The following PRELID2 variants were observed in gnomAD, a reference collection of about 807,000 sequenced individuals.
PRELID2 encodes the protein PRELI domain containing 2.
Under a neutral mutation model 28.4 loss-of-function variants are expected in PRELID2, and 25 were observed. That is an observed-to-expected ratio of 0.88 (90% confidence interval 0.64 to 1.23). The LOEUF (loss-of-function observed/expected upper bound fraction) is 1.23. PRELID2 is among the 50% of genes most tolerant of loss of function. The pLI, the probability that PRELID2 is intolerant of heterozygous loss-of-function variation, is 0.00. For synonymous variants in PRELID2, 76 were observed against 71.6 expected (o/e 1.06, Z -0.31); for missense variants, 201 against 214.4 (o/e 0.94, Z 0.39).
chr5:145,784,185 G>A (rs1372061745), intron 5 of PRELID2, among the ~76,000 whole-genome samples: 1 of 150,600 alleles, frequency 6.6e-6, no homozygotes, highest in East Asian at 2.0e-4. Context: ...TTGGGAGGTT[G>A]AGGCACAAGA....
chr5:145,796,458 CG>C lies in PRELID2; in HGVS notation c.457del (p.Arg153AspfsTer15). 6.2e-7 allele frequency: 1 copy of C among 1,608,702 alleles called. No homozygotes were observed. Among genetic ancestry groups the C allele is most frequent in the African/African-American group, 1.3e-5 (1 of 74,814 alleles). On this transcript the variant is annotated frameshift_variant, in exon 5 of 7. Coordinates refer to ENST00000683046, the MANE Select transcript of PRELID2 (RefSeq NM_205846.3). LOFTEE classifies it high-confidence loss of function. ...VLETFASTFL[R>X]QGAQKGIRIM... ...TATGGTTACCTTCTGGGCTCCCTGT[CG>C]TAAGAATGTGCTGGCAAAAGTTTCT...
the PRELID2 span, among the ~76,000 whole-genome samples, chr5:145,330,616 C>A: frequency 1.3e-5 from 2 of 152,008 alleles, no homozygotes; most frequent in African/African-American, 4.8e-5. Flanking sequence ...AATCAGTGGT[C>A]TTATCCCCTT....
chr5:145,397,461 G>A, the PRELID2 span, among the ~76,000 whole-genome samples: 1 of 151,966 alleles, frequency 6.6e-6, no homozygotes, highest in Non-Finnish European at 1.5e-5. Context: ...TAGGTAGGGG[G>A]AAATAAAAAA....
chr5:145,411,674 G>T, the PRELID2 span, among the ~76,000 whole-genome samples: 3 of 152,220 alleles, frequency 2.0e-5, no homozygotes, highest in South Asian at 6.2e-4. Flanking sequence ...TCCTTCTCAC[G>T]CTCTACTAGG....
At chr5:145,702,960 T>C (rs1755444252) in intron 1 of PRELID2, among the ~76,000 whole-genome samples, 1 of 152,206 alleles carries the variant, frequency 6.6e-6, no homozygotes, top group South Asian at 2.1e-4. Context: ...TCCCTTTCTA[T>C]TAAAACACAG....
intron 1 of PRELID2, among the ~76,000 whole-genome samples, chr5:145,561,452 G>A (rs544545266): frequency 8.4e-4 from 128 of 152,170 alleles, no homozygotes; most frequent in African/African-American, 2.9e-3. Flanking sequence ...ATACACCAGT[G>A]AAAATGGAAG....
At chr5:145,343,244 A>C in the PRELID2 span, among the ~76,000 whole-genome samples, 1 of 151,980 alleles carries the variant, frequency 6.6e-6, no homozygotes, top group African/African-American at 2.4e-5. Flanking sequence ...CACATCGAAC[A>C]TTCTCTTAGA....
chr5:145,797,173 G>A (rs1450083733), intron 4 of PRELID2, among the ~76,000 whole-genome samples: 1 of 152,078 alleles, frequency 6.6e-6, no homozygotes, highest in East Asian at 1.9e-4. Context: ...TTACACTTAA[G>A]AGTGATAGAA....
chr5:145,530,571 T>A (rs559973114), intron 1 of PRELID2, among the ~76,000 whole-genome samples: 41 of 151,812 alleles, frequency 2.7e-4, no homozygotes, highest in African/African-American at 9.9e-4. Context: ...GTGGCTGAGA[T>A]GGAGAAGAAA....
Position 145,679,662 on chromosome 5 carries a change from G to A in PRELID2, n.70+85269C>T, listed in dbSNP as rs926847616. Reference sequence around the variant, plus strand: ...ATTAATTATCCTGCCAAATTGTGAAGCTAATGGTGATGAAGTTGATGAAAG... The same window carrying A: ...ATTAATTATCCTGCCAAATTGTGAAACTAATGGTGATGAAGTTGATGAAAG... On this transcript the variant is annotated intron_variant and non_coding_transcript_variant, in intron 1 of 2. Coordinates refer to the PRELID2 transcript ENST00000510259. 2.6e-5 allele frequency among the ~76,000 whole-genome samples: 4 copies of A among 152,006 alleles called. No individual in the cohort carries two copies. The East Asian group carries it at 7.7e-4, about 29-fold the overall frequency.
At chr5:145,340,770 C>CATATATATATAT in the PRELID2 span, among the ~76,000 whole-genome samples, 1,668 of 116,394 alleles carry the variant, frequency 0.014, 30 homozygotes, top group East Asian at 0.031. Flanking sequence ...TAAAAATATA[C>CATATATATATAT]ATATATATAT....
At chr5:145,702,356 T>C (rs897321597) in intron 1 of PRELID2, among the ~76,000 whole-genome samples, 3 of 152,108 alleles carry the variant, frequency 2.0e-5, no homozygotes, top group African/African-American at 7.2e-5. Flanking sequence ...CACAGAGAAA[T>C]AGGACATCAA....
rs1308797006 is a variant in PRELID2, at chr5:145,757,439, G to A, written c.*3097C>T. Among the ~76,000 whole-genome samples, 1 of 152,160 alleles carries A rather than the reference G, an allele frequency of 6.6e-6. No individual in the cohort carries two copies. The highest frequency in any genetic ancestry group is 1.5e-5 in the Non-Finnish European group (1 of 68,036). On this transcript the variant is annotated 3_prime_UTR_variant, in exon 7 of 7. Coordinates refer to ENST00000683046, the MANE Select transcript of PRELID2 (RefSeq NM_205846.3). ...TAGCACGTTGCCCCAAAGATTTCTG[G>A]TACATGTGAAGTCTGAGAATCACAG...
chr5:145,328,390 C>T, the PRELID2 span, among the ~76,000 whole-genome samples: 4 of 152,170 alleles, frequency 2.6e-5, no homozygotes, highest in African/African-American at 4.8e-5. Context: ...AACTAATTTA[C>T]ACTCCCACCA....
the PRELID2 span, among the ~76,000 whole-genome samples, chr5:145,351,691 G>T: frequency 2.0e-5 from 3 of 152,112 alleles, no homozygotes; most frequent in Admixed American, 2.0e-4. Context: ...TAGCCCAAAA[G>T]TCCAAGTCCC....
At chr5:145,436,764 G>A in the PRELID2 span, among the ~76,000 whole-genome samples, 1 of 152,064 alleles carries the variant, frequency 6.6e-6, no homozygotes, top group Non-Finnish European at 1.5e-5. Flanking sequence ...CTCACAGAAA[G>A]CACTCACTGA....
chr5:145,528,737 A>G (rs1202124380), intron 1 of PRELID2, among the ~76,000 whole-genome samples: 1 of 147,426 alleles, frequency 6.8e-6, no homozygotes, highest in Non-Finnish European at 1.5e-5. Flanking sequence ...AGAGAGAGAG[A>G]GAGAGAGAGA....
At chr5:145,287,600 A>G in the PRELID2 span, among the ~76,000 whole-genome samples, 1 of 152,206 alleles carries the variant, frequency 6.6e-6, no homozygotes, top group Non-Finnish European at 1.5e-5. Flanking sequence ...AATATCATGG[A>G]TAAGGGGGAA....
chr5:145,366,430 G>A, the PRELID2 span, among the ~76,000 whole-genome samples: 1 of 151,708 alleles, frequency 6.6e-6, no homozygotes, highest in Admixed American at 6.6e-5. Flanking sequence ...TGCTTATTTG[G>A]CAAACATGTG....
Sources: allele counts gnomAD v4.1 joint callset (sites outside exome capture counted in the v4.1 genomes callset), GRCh38; gene constraint gnomAD v4.1.1; transcripts MANE v1.5; gene names NCBI Gene and HGNC (gene_info 2026-07-23, HGNC 2026-07-21).